Variants in VPS13D observed in about 807,000 individuals in gnomAD.
VPS13D encodes the protein vacuolar protein sorting 13 homolog D.
A neutral mutation model predicts 461.9 loss-of-function variants in VPS13D; 187 were observed. The observed-to-expected ratio is 0.40, with a 90% CI of 0.36 to 0.46. VPS13D has a LOEUF of 0.46. VPS13D is among the 20% of genes least tolerant of loss of function. The pLI is 0.60. For synonymous variants in VPS13D, 1,951 were observed against 1,986.3 expected, an observed-to-expected ratio of 0.98 and a Z score of 0.47; for missense variants, 4,711 against 5,364.9, an observed-to-expected ratio of 0.88 and a Z score of 3.81.
At chr1:12,360,178 C>A (rs1379063578) in intron 50 of VPS13D, among the ~76,000 whole-genome samples, 2 of 152,182 alleles carry the variant, frequency 1.3e-5, no homozygotes, top group Admixed American at 6.5e-5. Context: ...TTTTGTTGAT[C>A]CACCTAGGGA....
intron 42 of VPS13D, among the ~76,000 whole-genome samples, chr1:12,344,118 T>C (rs1569959177): frequency 6.6e-6 from 1 of 152,238 alleles, no homozygotes; most frequent in East Asian, 1.9e-4. Context: ...TGTTGTATTA[T>C]TTACAAGTAT....
chr1:12,266,757 G>A (rs1477992302), intron 13 of VPS13D, 124 bp from the exon 14 acceptor site: 6 of 962,302 alleles, frequency 6.2e-6, no homozygotes, highest in South Asian at 2.6e-5. Context: ...TTGTTTGTTT[G>A]TTTAATTTCA....
intron 65 of VPS13D, among the ~76,000 whole-genome samples, chr1:12,446,611 C>T (rs1244315286): frequency 2.0e-5 from 3 of 152,028 alleles, no homozygotes; most frequent in Admixed American, 2.0e-4. Flanking sequence ...CATATATGTC[C>T]ATTACTGGTA....
In VPS13D at chr1:12,497,610, C is replaced by G; in HGVS notation, c.12773C>G (p.Thr4258Arg). 6.2e-7 allele frequency: 1 copy of G among 1,613,836 alleles called. No individual in the cohort carries two copies. The highest frequency in any genetic ancestry group is 8.5e-7 in the Non-Finnish European group (1 of 1,179,954). ...AEGQEQLFKL[T>R]DNIQDEFFIA... ...GGACAGGAGCAGCTCTTCAAACTCA[C>G]AGACAACATACAGGACGAATTGTAA... The change falls in exon 68 of 70, where the codon ACA (threonine) becomes AGA (arginine). Residue 4258 changes from threonine (T) to arginine (R), a missense_variant. Thr to Arg is a moderately conservative substitution (Grantham distance 71). Around this residue, in one of 3 missense-constraint regions of VPS13D, gnomAD observed 194 missense variants for 220.9 expected, o/e 0.88. Transcript: ENST00000620676.
rs191227622 is a variant in VPS13D, at chr1:12,439,081, A to G, written c.12334-16917A>G. Among the ~76,000 whole-genome samples, 250 of 152,248 alleles carry G rather than the reference A, an allele frequency of 1.6e-3. 4 individuals are homozygous for G. The highest frequency in any genetic ancestry group is 5.8e-3 in the African/African-American group (242 of 41,546). ...TACTGACATTGAACCTCAGTACAAC[A>G]ACTAGAGTGATCCTGTCAAAACATA... On this transcript the variant is annotated intron_variant, in intron 65 of 69. Coordinates refer to ENST00000620676, the MANE Select transcript of VPS13D (RefSeq NM_015378.4).
At chr1:12,460,464 C>A in intron 67 of VPS13D, 68 bp downstream of exon 67, 1 of 1,391,936 alleles carries the variant, frequency 7.2e-7, no homozygotes, top group Non-Finnish European at 9.5e-7. Context: ...CTAATCCATA[C>A]TGATGTGTTT....
rs138509985 is a variant in VPS13D, at chr1:12,259,413, T to G, written c.1111-1280T>G. Among the ~76,000 whole-genome samples, 425 of 151,986 alleles carry G rather than the reference T, an allele frequency of 2.8e-3. 3 individuals are homozygous for G. Among genetic ancestry groups the G allele is most frequent in the Non-Finnish European group, 4.0e-3 (273 of 67,978 alleles). ...TCACTGCAACCTCTGCCTCCTTGGT[T>G]CAAGGGATCCTCCCACCTCAGCCTC... On this transcript the variant is annotated intron_variant, in intron 10 of 69. Coordinates refer to ENST00000620676, the MANE Select transcript of VPS13D (RefSeq NM_015378.4).
At chr1:12,400,457 G>A (rs1313549558) in intron 61 of VPS13D, 127 bp downstream of exon 61, 10 of 1,139,470 alleles carry the variant, frequency 8.8e-6, no homozygotes, top group Non-Finnish European at 1.2e-5. Flanking sequence ...TAAACCACAT[G>A]TGACATAATA....
intron 52 of VPS13D, among the ~76,000 whole-genome samples, chr1:12,366,025 G>C (rs1410369177): frequency 6.6e-6 from 1 of 151,532 alleles, no homozygotes; most frequent in Non-Finnish European, 1.5e-5. Flanking sequence ...TGCCTACTGA[G>C]TAGCTAGGAC....
At chr1:12,355,459 T>C (rs537113503) in intron 47 of VPS13D, among the ~76,000 whole-genome samples, 1 of 152,278 alleles carries the variant, frequency 6.6e-6, no homozygotes, top group East Asian at 1.9e-4. Context: ...CGATGAATGT[T>C]TGAGATGATG....
chr1:12,321,991 G>A (rs1239879648), intron 33 of VPS13D, 27 bp downstream of exon 33: 9 of 1,610,810 alleles, frequency 5.6e-6, no homozygotes, highest in South Asian at 3.3e-5. Flanking sequence ...TGTGCAATAC[G>A]TTGATATGCT....
chr1:12,374,720 G>A (rs1458137908), intron 55 of VPS13D, among the ~76,000 whole-genome samples: 1 of 152,158 alleles, frequency 6.6e-6, no homozygotes, highest in African/African-American at 2.4e-5. Flanking sequence ...GTGTCAGTAT[G>A]TGTATGCGTA....
rs189142432 is a variant in VPS13D at position 12,500,899 on chromosome 1, C to A, written c.12794+3268C>A. On this transcript the variant is annotated intron_variant, in intron 68 of 69. Coordinates refer to ENST00000620676, the MANE Select transcript of VPS13D (RefSeq NM_015378.4). The stretch of plus-strand genomic sequence containing the variant: ...GCAACATGGCAAAACCCCATCCATA[C>A]AAAAGTTAGCCGGGCATGGTGGCAC... Among the ~76,000 whole-genome samples the A allele has an allele frequency of 2.7e-4, 41 of 151,444 alleles. No individual in the cohort carries two copies. The East Asian group carries it at 7.5e-3, about 28-fold the overall frequency.
At chr1:12,480,136 TAATG>T (rs1422838558) in intron 67 of VPS13D, among the ~76,000 whole-genome samples, 3 of 152,160 alleles carry the variant, frequency 2.0e-5, no homozygotes, top group African/African-American at 4.8e-5. Context: ...ACTCCTGAAA[TAATG>T]AACTACTGCA....
intron 60 of VPS13D, among the ~76,000 whole-genome samples, chr1:12,390,397 T>A (rs1480398858): frequency 6.6e-6 from 1 of 152,178 alleles, no homozygotes; most frequent in Non-Finnish European, 1.5e-5. Flanking sequence ...TGCTTCAGGA[T>A]GATGAGGAAC....
rs919938976 is a variant in VPS13D, at chr1:12,288,427, T to C, written c.5725+114T>C. The stretch of plus-strand genomic sequence containing the variant: ...TGAGTAAGGTGTGGCAGTGGCTTGA[T>C]TGTGGTTATTAGTCTGGCCAGGATT... On this transcript the variant is annotated intron_variant, in intron 22 of 69. Coordinates refer to ENST00000620676, the MANE Select transcript of VPS13D (RefSeq NM_015378.4). 7.7e-6 allele frequency: 7 copies of C among 903,300 alleles called. 1 individual carries two copies. The highest frequency in any genetic ancestry group is 1.5e-5 in the South Asian group (1 of 66,978). 56.0% of individuals were successfully genotyped at this position (903,300 alleles called of 1,614,324 possible).
chr1:12,326,833 C>T lies in VPS13D; in HGVS notation c.7991-815C>T, dbSNP rs529552642. On this transcript the variant is annotated intron_variant, in intron 35 of 69. Coordinates refer to ENST00000620676, the MANE Select transcript of VPS13D (RefSeq NM_015378.4). ...TAATTTTTGTTATTTTTAGTAGAGG[C>T]GGGGTTTCACCATGTTGGTCAGGAT... is the stretch of plus-strand genomic sequence containing the variant. Among the ~76,000 whole-genome samples the T allele has an allele frequency of 2.8e-4, 43 of 151,950 alleles. No homozygotes were observed. In the South Asian group the frequency reaches 5.4e-3, roughly 19 times the overall value.
chr1:12,483,767 A>T (rs1645755793), intron 67 of VPS13D, among the ~76,000 whole-genome samples: 1 of 152,114 alleles, frequency 6.6e-6, no homozygotes, highest in Non-Finnish European at 1.5e-5. Context: ...TGGGAGGCCG[A>T]GGTGGGCGGA....
At chr1:12,437,263 G>C (rs1645074446) in intron 65 of VPS13D, among the ~76,000 whole-genome samples, 1 of 152,080 alleles carries the variant, frequency 6.6e-6, no homozygotes, top group Non-Finnish European at 1.5e-5. Flanking sequence ...TCTCCATCTA[G>C]AGTAGAAATT....
Sources: allele counts gnomAD v4.1 joint callset (sites outside exome capture counted in the v4.1 genomes callset), GRCh38; gene constraint gnomAD v4.1.1; regional missense constraint gnomAD v4.1.1; transcripts MANE v1.5; gene names NCBI Gene and HGNC (gene_info 2026-07-23, HGNC 2026-07-21).